The following ZNF546 variants were observed in gnomAD, a reference collection of about 807,000 sequenced individuals.
ZNF546 encodes CTC-471F3.6.
In ZNF546, 60 loss-of-function variants were observed where a neutral mutation model predicts 76.2. That is an observed-to-expected ratio of 0.79 (90% CI 0.64 to 0.98). The LOEUF (loss-of-function observed/expected upper bound fraction) is 0.98, where lower values mean the gene tolerates loss of function less well. ZNF546 is among the 50% of genes least tolerant of loss of function. The probability of loss-of-function intolerance (pLI) is 0.00; values close to 1 mark genes in which losing one functional copy is unlikely to be tolerated. For synonymous variants in ZNF546, 277 were observed against 328.1 expected (o/e 0.84, Z 1.68); for missense variants, 936 against 1,035.6 (o/e 0.90, Z 1.32).
chr19:40,019,951 C>T lies in ZNF546; in HGVS notation c.*4170C>T, dbSNP rs997629559. 6.6e-6 allele frequency: 1 copy of T among 152,102 alleles called. No individual in the cohort carries two copies. Among genetic ancestry groups the T allele is most frequent in the African/African-American group, 2.4e-5 (1 of 41,438 alleles). The allele number at this position is 152,102 out of a possible 1,614,324, so 9.4% of individuals were successfully genotyped here. A position where few individuals can be genotyped will look rare whatever the true frequency, so the allele number is the denominator to read the frequency against. On this transcript the variant is annotated 3_prime_UTR_variant, in exon 7 of 7. Transcript: ENST00000347077. ...ATGATAATTTCCTCAATGCTTAACA[C>T]TGAGCACAATTTTTCACATATTTGA...
chr19:40,015,328 C>T lies in ZNF546; in HGVS notation c.2058C>T (p.Gly686=), dbSNP rs1258515764. The T allele has an allele frequency of 6.2e-7, 1 of 1,612,634 alleles. No individual in the cohort carries two copies. The highest frequency in any genetic ancestry group is 8.5e-7 in the Non-Finnish European group (1 of 1,179,642). The change falls in exon 7 of 7, where the codon GGC becomes GGT. Residue 686 remains glycine (G), a synonymous_variant. Transcript: ENST00000347077. Reference sequence around the variant, plus strand: ...ATCATCTTACTCAACATCACAGAGGCCATACTGGTGAGAAGCCCTACATAT... The same window carrying T: ...ATCATCTTACTCAACATCACAGAGGTCATACTGGTGAGAAGCCCTACATAT... ...RHYHLTQHHR[G]HTGEKPYICN...
At position 40,018,646 on chromosome 19, in the gene ZNF546, A is replaced by T. The variant is rs1048713061; in HGVS notation, c.*2865A>T. Reference sequence around the variant, plus strand: ...AATAACACTGTGATTTCCACGACTAAGTCATAAAAGGCAATACAGCTTCTG... The same window carrying T: ...AATAACACTGTGATTTCCACGACTATGTCATAAAAGGCAATACAGCTTCTG... On this transcript the variant is annotated 3_prime_UTR_variant, in exon 7 of 7. Transcript: ENST00000347077. The T allele has an allele frequency of 6.6e-6, 1 of 152,234 alleles. No homozygotes were observed. The highest frequency in any genetic ancestry group is 1.5e-5 in the Non-Finnish European group (1 of 68,050). The allele number at this position is 152,234 out of a possible 1,614,324, so 9.4% of individuals were successfully genotyped here.
In ZNF546 at chr19:40,006,123, T is replaced by A; in HGVS notation, c.112T>A (p.Ser38Thr). Reference sequence around the variant, plus strand: ...CCGGTTTCTCTGGATTCTGTGCTTCTCCATGGAGGAAACTCAAGGAGAACT... The same window carrying A: ...CCGGTTTCTCTGGATTCTGTGCTTCACCATGGAGGAAACTCAAGGAGAACT... ...MPRFLWILCF[S>T]MEETQGELTS... is the part of the protein sequence containing the mutation. The change falls in exon 4 of 7, where the codon TCC becomes ACC. Residue 38 changes from serine to threonine, a missense_variant. Ser to Thr is a moderately conservative substitution (Grantham distance 58). Coordinates refer to ENST00000347077, the MANE Select transcript of ZNF546 (RefSeq NM_178544.5). The A allele has an allele frequency of 6.2e-7, 1 of 1,614,076 alleles. No individual in the cohort carries two copies. The highest frequency in any genetic ancestry group is 1.3e-5 in the African/African-American group (1 of 75,052).
chr19:40,013,640 C>CTTTTT (rs546130223), intron 6 of ZNF546, 25 bp from the exon 7 acceptor site: 96 of 1,092,084 alleles, frequency 8.8e-5, no homozygotes, highest in Admixed American at 2.5e-4. Context: ...TTACTCTTTG[C>CTTTTT]TTTTTTTTTT....
intron 6 of ZNF546, among the ~76,000 whole-genome samples, chr19:40,012,581 G>T (rs902169158): frequency 3.9e-5 from 6 of 152,050 alleles, no homozygotes; most frequent in Non-Finnish European, 7.4e-5. Flanking sequence ...TAGGGGGAAC[G>T]AGAAACTCTA....
At chr19:39,999,154 C>T (rs777094520) in intron 3 of ZNF546, among the ~76,000 whole-genome samples, 2 of 152,188 alleles carry the variant, frequency 1.3e-5, no homozygotes, top group African/African-American at 2.4e-5. Flanking sequence ...ATTAACATTT[C>T]AACTGATTAT....
rs1971634780 is a variant in ZNF546 at position 40,008,497 on chromosome 19, T to C, written c.326T>C (p.Ile109Thr). 2 of 1,612,274 alleles carry C rather than the reference T, an allele frequency of 1.2e-6. No individual in the cohort carries two copies. Among genetic ancestry groups the C allele is most frequent in the Non-Finnish European group, 1.7e-6 (2 of 1,178,680 alleles). ...LGYTIPKPDV[I>T]TLLEQEKEPW... ...TATACCATTCCTAAGCCAGATGTGA[T>C]TACTTTATTGGAGCAAGAGAAAGAG... Residue 109 changes from isoleucine (I) to threonine (T), a missense_variant, in exon 6 of 7, where the codon ATT becomes ACT. By Grantham distance (89) the Ile-to-Thr change is moderately conservative. Coordinates refer to ENST00000347077, the MANE Select transcript of ZNF546 (RefSeq NM_178544.5).
rs970460186 is a variant in ZNF546, at chr19:40,015,205, C to T, written c.1935C>T (p.Ala645=). ...ATAAATGTACAGAATGTGGGAAGGC[C>T]TTTATTCGTAGCACTCATCTCACGC... is the stretch of plus-strand genomic sequence containing the variant. ...KPYKCTECGK[A]FIRSTHLTQH... The change falls in exon 7 of 7, where the codon GCC becomes GCT. Residue 645 remains alanine (A), a synonymous_variant. Coordinates refer to ENST00000347077, the MANE Select transcript of ZNF546 (RefSeq NM_178544.5). 5.6e-6 allele frequency: 9 copies of T among 1,613,732 alleles called. No individual in the cohort carries two copies. Among genetic ancestry groups the T allele is most frequent in the Non-Finnish European group, 5.9e-6 (7 of 1,179,986 alleles).
At chr19:40,001,470 C>G (rs1599738026) in intron 3 of ZNF546, among the ~76,000 whole-genome samples, 1 of 151,272 alleles carries the variant, frequency 6.6e-6, no homozygotes, top group Non-Finnish European at 1.5e-5. Flanking sequence ...TCAAGTAATT[C>G]TTCTGCCCAG....
Position 40,017,009 on chromosome 19 carries a change from T to C in ZNF546, c.*1228T>C, listed in dbSNP as rs187013441. On this transcript the variant is annotated 3_prime_UTR_variant, in exon 7 of 7. Coordinates refer to ENST00000347077, the MANE Select transcript of ZNF546 (RefSeq NM_178544.5). Reference sequence around the variant, plus strand: ...CATTTTATCAATAAATATTGCTTTATTTTTTTCATTGGGGATACATTTAGT... The same window carrying C: ...CATTTTATCAATAAATATTGCTTTACTTTTTTCATTGGGGATACATTTAGT... The C allele has an allele frequency of 6.6e-5, 10 of 152,268 alleles. No individual in the cohort carries two copies. Among genetic ancestry groups the C allele is most frequent in the Admixed American group, 6.5e-4 (10 of 15,302 alleles). The allele number at this position is 152,268 out of a possible 1,614,324, so 9.4% of individuals were successfully genotyped here.
Position 40,015,567 on chromosome 19 carries a change from G to T in ZNF546, c.2297G>T (p.Arg766Leu), listed in dbSNP as rs778592342. The change falls in exon 7 of 7, where the codon CGA (arginine) becomes CTA (leucine). Residue 766 changes from arginine (R) to leucine (L), a missense_variant. Physicochemically the swap from Arg to Leu is moderately radical, Grantham distance 102 (BLOSUM62 -2). Transcript: ENST00000347077. ...NAFRLQAELT[R>L]HHIVHTGEKP... The stretch of plus-strand genomic sequence containing the variant: ...TTTCGTCTTCAAGCAGAACTTACTC[G>T]ACATCACATAGTTCACACGGGTGAG... 6.2e-7 allele frequency: 1 copy of T among 1,613,516 alleles called. No homozygotes were observed. Among genetic ancestry groups the T allele is most frequent in the Non-Finnish European group, 8.5e-7 (1 of 1,179,900 alleles).
chr19:40,012,615 A>G (rs1185601248), intron 6 of ZNF546, among the ~76,000 whole-genome samples: 1 of 152,192 alleles, frequency 6.6e-6, no homozygotes, highest in African/African-American at 2.4e-5. Flanking sequence ...AGAATTAGGT[A>G]CAGATTTTCA....
rs1443914945 is a variant in ZNF546, at chr19:40,007,312, C to G, written c.210C>G (p.Ser70=). 6.2e-7 allele frequency: 1 copy of G among 1,603,694 alleles called. No homozygotes were observed. Residue 70 remains serine, a synonymous_variant, in exon 5 of 7, where the codon TCC becomes TCG. Coordinates refer to ENST00000347077, the MANE Select transcript of ZNF546 (RefSeq NM_178544.5). ...TTAGGGATGTGTCCATAGACCTCTC[C>G]CAAGAGGAGTGGGAGTGCCTGGACG... ...LAFRDVSIDL[S]QEEWECLDAV...
chr19:40,008,598 A>G (rs1351284075), intron 6 of ZNF546, 33 bp downstream of exon 6: 35 of 1,557,432 alleles, frequency 2.2e-5, no homozygotes, highest in Non-Finnish European at 2.9e-5. Flanking sequence ...GGAGGGTGCT[A>G]TCACAAGTTA....
Position 40,014,751 on chromosome 19 carries a change from A to G in ZNF546, c.1481A>G (p.Glu494Gly). ...LTLHLRTHTG[E>G]IPYECKECGK... ...TTACATCTGAGAACTCACACCGGTG[A>G]GATTCCCTATGAATGTAAGGAATGT... Residue 494 changes from glutamate (E) to glycine (G), a missense_variant, in exon 7 of 7, where the codon GAG becomes GGG. Coordinates refer to ENST00000347077, the MANE Select transcript of ZNF546 (RefSeq NM_178544.5). The G allele has an allele frequency of 6.2e-7, 1 of 1,613,760 alleles. No individual in the cohort carries two copies. The highest frequency in any genetic ancestry group is 8.5e-7 in the Non-Finnish European group (1 of 1,179,998).
rs200917759 is a variant in ZNF546 at position 40,013,948 on chromosome 19, T to C, written c.678T>C (p.Phe226=). The part of the protein sequence containing the change: ...SYECKECRKA[F]RQQSYLIQHL... Reference sequence around the variant, plus strand: ...AATGTAAGGAATGTAGAAAGGCCTTTAGACAACAGTCATACCTTATTCAAC... The same window carrying C: ...AATGTAAGGAATGTAGAAAGGCCTTCAGACAACAGTCATACCTTATTCAAC... The change falls in exon 7 of 7, where the codon TTT becomes TTC. Residue 226 remains phenylalanine, a synonymous_variant. Transcript: ENST00000347077. 1.2e-6 allele frequency: 2 copies of C among 1,612,096 alleles called. No homozygotes were observed. Among genetic ancestry groups the C allele is most frequent in the Non-Finnish European group, 8.5e-7 (1 of 1,178,908 alleles).
chr19:40,008,082 C>T (rs185789889), intron 5 of ZNF546, among the ~76,000 whole-genome samples: 11 of 152,254 alleles, frequency 7.2e-5, no homozygotes, highest in East Asian at 3.9e-4. Context: ...CCTAAGAAGT[C>T]GGTAATATCA....
Position 40,015,289 on chromosome 19 carries a change from G to A in ZNF546, c.2019G>A (p.Thr673=), listed in dbSNP as rs145425928. 5.4e-5 allele frequency: 87 copies of A among 1,613,318 alleles called. No individual in the cohort carries two copies. The African/African-American group carries it at 7.1e-4, about 13-fold the overall frequency. Residue 673 remains threonine (T), a synonymous_variant, in exon 7 of 7, where the codon ACG becomes ACA. Coordinates refer to ENST00000347077, the MANE Select transcript of ZNF546 (RefSeq NM_178544.5). ...ACGAATGTACGGAATGTGGGAAGAC[G>A]TTTAGTCGGCACTATCATCTTACTC... The part of the protein sequence containing the change: ...KPYECTECGK[T]FSRHYHLTQH...
intron 2 of ZNF546, 126 bp from the exon 3 acceptor site, chr19:39,998,121 TC>T: frequency 3.6e-6 from 2 of 553,958 alleles, no homozygotes; most frequent in Middle Eastern, 3.5e-4. Flanking sequence ...TTTGCATTTT[TC>T]CCTTTGAAGA....
Sources: gnomAD v4.1 joint callset for allele counts (sites outside exome capture counted in the v4.1 genomes callset) on GRCh38, gnomAD v4.1.1 for gene constraint, MANE v1.5 for transcripts, NCBI Gene and HGNC (gene_info 2026-07-23, HGNC 2026-07-21) for gene names.